ASIC2: variants seen among roughly 807,000 people sequenced by gnomAD.
ASIC2 encodes the protein acid sensing ion channel subunit 2.
In ASIC2, 25 loss-of-function variants were observed where a neutral mutation model predicts 57.3. The ratio of observed to expected loss-of-function variants is 0.44; its 90% CI spans 0.32 to 0.61. The LOEUF (loss-of-function observed/expected upper bound fraction) is 0.61, where lower values mean the gene tolerates loss of function less well. ASIC2 is among the 20% of genes least tolerant of loss of function. The pLI is 0.06. For synonymous variants in ASIC2, 319 were observed against 307.5 expected (o/e 1.04, Z -0.39); for missense variants, 641 against 738.1 (o/e 0.87, Z 1.52).
At chr17:34,038,292 T>C (rs1907969197) in intron 1 of ASIC2, 1 of 1,610,228 alleles carries the variant, frequency 6.2e-7, no homozygotes, top group Non-Finnish European at 8.5e-7. Context: ...TCCAGATCAT[T>C]TCCCTCACAG....
intron 1 of ASIC2, among the ~76,000 whole-genome samples, chr17:33,420,740 A>G (rs1160389871): frequency 6.6e-6 from 1 of 152,170 alleles, no homozygotes; most frequent in African/African-American, 2.4e-5. Flanking sequence ...TATTGCTCCC[A>G]TGGCTGACTT....
In ASIC2 at chr17:33,911,930, C is replaced by T. The variant is rs187793170; in HGVS notation, c.555+244048G>A. ...CCGAGGTGGGCAGATCACCTGAGGT[C>T]GGGAGTTCGAGACCAGCCTGACCAA... On this transcript the variant is annotated intron_variant, in intron 1 of 9. Coordinates refer to the ASIC2 transcript ENST00000359872. Among the ~76,000 whole-genome samples, 732 of 151,972 alleles carry T rather than the reference C, an allele frequency of 4.8e-3. 1 individual carries two copies. The highest frequency in any genetic ancestry group is 6.5e-3 in the Non-Finnish European group (443 of 67,950).
chr17:33,291,836 A>G lies in ASIC2; in HGVS notation c.280T>C (p.Cys94Arg). 4.3e-6 allele frequency: 7 copies of G among 1,610,984 alleles called. No homozygotes were observed. Among genetic ancestry groups the G allele is most frequent in the Non-Finnish European group, 5.9e-6 (7 of 1,179,624 alleles). ...GACAGCAGCAAGCCGAAGGATGTAC[A>G]GAAGGCCAGCACCCACAGCGCCCGC... The part of the protein sequence containing the change: ...QRRALWVLAF[C>R]TSFGLLLSWS... The change falls in exon 1 of 10, where the codon TGT becomes CGT. Residue 94 changes from cysteine to arginine, a missense_variant. Physicochemically the swap from Cys to Arg is radical, Grantham distance 180. Transcript: ENST00000225823.
chr17:33,687,789 C>A (rs1908241811), intron 1 of ASIC2, among the ~76,000 whole-genome samples: 1 of 152,118 alleles, frequency 6.6e-6, no homozygotes, highest in South Asian at 2.1e-4. Flanking sequence ...TCTCTAATGA[C>A]CTGGAGAGCA....
intron 1 of ASIC2, among the ~76,000 whole-genome samples, chr17:34,107,993 CCTT>C (rs199569131): frequency 0.014 from 2,098 of 152,250 alleles, 44 homozygotes; most frequent in East Asian, 0.059. Context: ...TCCAGTTTAT[CCTT>C]CTTATGTTCT....
At chr17:33,779,457 C>T (rs1911382918) in intron 1 of ASIC2, among the ~76,000 whole-genome samples, 1 of 152,220 alleles carries the variant, frequency 6.6e-6, no homozygotes, top group Non-Finnish European at 1.5e-5. Flanking sequence ...TTATCCCTAG[C>T]TAACGTGCAG....
At chr17:33,663,447 T>C (rs1907359501) in intron 1 of ASIC2, among the ~76,000 whole-genome samples, 1 of 139,250 alleles carries the variant, frequency 7.2e-6, no homozygotes, top group African/African-American at 3.1e-5. Context: ...GCTAATGCCG[T>C]CGTTTTTTTT....
At chr17:33,367,722 T>C (rs1908871371) in intron 1 of ASIC2, among the ~76,000 whole-genome samples, 1 of 152,176 alleles carries the variant, frequency 6.6e-6, no homozygotes, top group Admixed American at 6.5e-5. Flanking sequence ...TCAGGGCAAT[T>C]GATAAAGATA....
chr17:33,716,532 G>A (rs962759923), intron 1 of ASIC2, among the ~76,000 whole-genome samples: 2 of 152,172 alleles, frequency 1.3e-5, no homozygotes, highest in African/African-American at 2.4e-5. Flanking sequence ...CTTATCGTTG[G>A]ACTTGAAATG....
At chr17:33,942,331 A>G (rs1360271612) in intron 1 of ASIC2, among the ~76,000 whole-genome samples, 3 of 152,096 alleles carry the variant, frequency 2.0e-5, no homozygotes, top group South Asian at 4.2e-4. Flanking sequence ...CCAAGTAGGG[A>G]TGTGCCCTCT....
rs145614935 is a variant in ASIC2, at chr17:33,432,141, G to C, written c.556-320074C>G. ...TCCAGTAATACGTAGATTTTCTTCT[G>C]CCTCTGCCACCCCTGAGACAGCAAG... On this transcript the variant is annotated intron_variant, in intron 1 of 9. Coordinates refer to the ASIC2 transcript ENST00000359872. 3.8e-4 allele frequency among the ~76,000 whole-genome samples: 58 copies of C among 152,298 alleles called. 1 individual carries two copies. In the East Asian group the frequency reaches 0.011, roughly 28 times the overall value.
At chr17:33,067,473 G>A (rs1055173343) in intron 3 of ASIC2, among the ~76,000 whole-genome samples, 1 of 152,158 alleles carries the variant, frequency 6.6e-6, no homozygotes, top group Non-Finnish European at 1.5e-5. Flanking sequence ...GGGCAGGCAA[G>A]GTTCAGAGAT....
intron 1 of ASIC2, among the ~76,000 whole-genome samples, chr17:33,401,291 G>A (rs908466472): frequency 2.0e-5 from 3 of 152,140 alleles, no homozygotes; most frequent in South Asian, 2.1e-4. Flanking sequence ...TGTGTGCTTC[G>A]CCATCTGTAA....
intron 1 of ASIC2, among the ~76,000 whole-genome samples, chr17:33,126,474 AGGGG>A (rs2092323546): frequency 6.6e-6 from 1 of 152,068 alleles, no homozygotes; most frequent in Non-Finnish European, 1.5e-5. Flanking sequence ...ATGAGTTCTG[AGGGG>A]TTGTCTGAAG....
At chr17:33,145,046 T>C (rs1008982358) in intron 1 of ASIC2, among the ~76,000 whole-genome samples, 1 of 152,242 alleles carries the variant, frequency 6.6e-6, no homozygotes, top group Non-Finnish European at 1.5e-5. Context: ...AGACTGGAGT[T>C]GCATTTCAGT....
intron 1 of ASIC2, among the ~76,000 whole-genome samples, chr17:34,099,376 A>T (rs1910720026): frequency 6.7e-6 from 1 of 148,914 alleles, no homozygotes; most frequent in African/African-American, 2.5e-5. Context: ...GGAAAGAAAG[A>T]AAAAAGAGAA....
chr17:33,798,218 G>T (rs1015638745), intron 1 of ASIC2, among the ~76,000 whole-genome samples: 2 of 152,174 alleles, frequency 1.3e-5, no homozygotes, highest in African/African-American at 4.8e-5. Context: ...GGGGCAGGAG[G>T]AGGAAGTAGG....
intron 1 of ASIC2, among the ~76,000 whole-genome samples, chr17:33,447,998 G>A (rs1198129991): frequency 1.4e-5 from 2 of 147,920 alleles, no homozygotes; most frequent in African/African-American, 5.0e-5. Flanking sequence ...CTAATTATAT[G>A]AATGTTTTAT....
At chr17:33,999,172 A>G (rs1408475169) in intron 1 of ASIC2, among the ~76,000 whole-genome samples, 1 of 152,168 alleles carries the variant, frequency 6.6e-6, no homozygotes, top group East Asian at 1.9e-4. Context: ...CGATATAAGC[A>G]GAGCTACTCC....
Sources: allele counts gnomAD v4.1 joint callset (sites outside exome capture counted in the v4.1 genomes callset), GRCh38; gene constraint gnomAD v4.1.1; transcripts MANE v1.5; gene names NCBI Gene and HGNC (gene_info 2026-07-23, HGNC 2026-07-21).